The following ZNF185 variants were observed in gnomAD, a reference collection of about 807,000 sequenced individuals.
ZNF185 encodes the protein zinc finger protein 185 with LIM domain.
ZNF185 carries 56 observed loss-of-function variants against 58.6 expected under a neutral mutation model. The ratio of observed to expected loss-of-function variants is 0.95; its 90% CI spans 0.77 to 1.19. The LOEUF is 1.19. Among genes scored for constraint, ZNF185 ranks in the 50% most tolerant of loss-of-function variants. The pLI is 0.00. For synonymous variants in ZNF185, 230 were observed against 215.9 expected (o/e 1.07, Z -0.57); for missense variants, 627 against 573.5 (o/e 1.09, Z -0.95).
intron 6 of ZNF185, among the ~76,000 whole-genome samples, chrX:152,918,578 C>T (rs1238003435): frequency 1.8e-5 from 2 of 112,672 alleles, no homozygotes; most frequent in South Asian, 3.6e-4. Flanking sequence ...CATTGTGTGC[C>T]TAAATCTGAG....
At position 152,931,793 on chromosome X, in the gene ZNF185, A is replaced by G. The variant is rs1193031380; in HGVS notation, c.1022+17A>G. ...TGCTGCAAGGTAACTCAGTGCAGGA[A>G]GCAGACACTTCATTCCCAGAACACG... On this transcript the variant is annotated intron_variant, in intron 13 of 22. Transcript: ENST00000449285. 4 of 1,174,683 alleles carry G rather than the reference A, an allele frequency of 3.4e-6. No individual in the cohort carries two copies. The highest frequency in any genetic ancestry group is 6.2e-4 in the Middle Eastern group (2 of 3,214).
chrX:152,926,212 T>C (rs1283910666), intron 11 of ZNF185, among the ~76,000 whole-genome samples: 1 of 111,983 alleles, frequency 8.9e-6, no homozygotes, highest in Non-Finnish European at 1.9e-5. Flanking sequence ...CTTGAGCAAG[T>C]CTCTTCATCT....
exon 23 of ZNF185, chrX:152,971,924 A>G (rs2050678132): frequency 8.9e-6 from 1 of 112,124 alleles, no homozygotes; most frequent in Non-Finnish European, 1.9e-5. Flanking sequence ...TAAATTCAGT[A>G]GGATGTGATT....
intron 15 of ZNF185, among the ~76,000 whole-genome samples, chrX:152,940,499 T>C (rs182290361): frequency 0.016 from 1,740 of 109,853 alleles, 48 homozygotes; most frequent in African/African-American, 0.054. Flanking sequence ...GTTGAAAGAG[T>C]TGTTATTCTC....
Position 152,919,739 on chromosome X carries a change from G to A in ZNF185, c.531-589G>A, listed in dbSNP as rs782747814. Among the ~76,000 whole-genome samples the A allele has an allele frequency of 3.6e-5, 4 of 112,603 alleles. No individual in the cohort carries two copies. In the East Asian group the frequency reaches 1.1e-3, roughly 32 times the overall value. Reference sequence around the variant, plus strand: ...GGGGCCTGTACAGCAGTTGGGCCCTGAGGAAATAAAGCCCTCCCCTCCCTG... The same window carrying A: ...GGGGCCTGTACAGCAGTTGGGCCCTAAGGAAATAAAGCCCTCCCCTCCCTG... On this transcript the variant is annotated intron_variant, in intron 7 of 22. Coordinates refer to ENST00000449285, the Ensembl canonical transcript of ZNF185.
At chrX:152,964,144 C>T (rs2049863144) in intron 18 of ZNF185, among the ~76,000 whole-genome samples, 195 bp downstream of exon 20, 1 of 112,568 alleles carries the variant, frequency 8.9e-6, no homozygotes. Context: ...CCTAGACATT[C>T]CCACACCTCC....
chrX:152,914,958 C>A, intron 2 of ZNF185, 125 bp downstream of exon 3: 1 of 1,024,899 alleles, frequency 9.8e-7, no homozygotes, highest in Admixed American at 2.9e-5. Context: ...ATGTGGAGGG[C>A]AGAGCGTGGG....
chrX:152,964,094 G>T, intron 18 of ZNF185, 145 bp downstream of exon 20: 1 of 512,387 alleles, frequency 2.0e-6, no homozygotes. Context: ...GGCCACACAG[G>T]ACAGTGTTAG....
chrX:152,956,992 G>C (rs1324521695), intron 16 of ZNF185, among the ~76,000 whole-genome samples: 2 of 111,541 alleles, frequency 1.8e-5, no homozygotes, highest in Non-Finnish European at 3.8e-5. Flanking sequence ...GTGCTTTTAT[G>C]TCCATGTTCA....
chrX:152,960,047 G>A (rs1020525169), intron 17 of ZNF185, 151 bp downstream of exon 19: 3 of 490,316 alleles, frequency 6.1e-6, no homozygotes, highest in Non-Finnish European at 9.7e-6. Context: ...AGAGAAACCA[G>A]CATCTCAGGG....
intron 15 of ZNF185, among the ~76,000 whole-genome samples, chrX:152,944,584 C>G (rs2047586205): frequency 9.0e-6 from 1 of 111,674 alleles, no homozygotes; most frequent in Admixed American, 9.4e-5. Context: ...CCCACGGTAC[C>G]CAGATTGGAG....
chrX:152,903,544 G>A, the ZNF185 span, among the ~76,000 whole-genome samples: 6 of 109,982 alleles, frequency 5.5e-5, no homozygotes, highest in Middle Eastern at 4.2e-3. Flanking sequence ...AATGGGACTA[G>A]CATCTCTGCA....
chrX:152,963,790 G>A (rs1162079954), intron 17 of ZNF185, 49 bp from the exon 20 acceptor site: 3 of 1,113,590 alleles, frequency 2.7e-6, no homozygotes, highest in South Asian at 1.9e-5. Flanking sequence ...ACCCTGGAAG[G>A]TGTCAGCTCC....
chrX:152,914,979 C>T, intron 2 of ZNF185, 146 bp downstream of exon 3: 1 of 998,156 alleles, frequency 1.0e-6, no homozygotes, highest in Non-Finnish European at 1.4e-6. Flanking sequence ...AAAGGCTATC[C>T]AGCAATGTCA....
chrX:152,945,347 G>A, exon 16 of ZNF185: 1 of 1,207,369 alleles, frequency 8.3e-7, no homozygotes, highest in Non-Finnish European at 1.1e-6. Flanking sequence ...GCTCCAAGAG[G>A]TGGCCAAGGA....
chrX:152,945,113 T>G (rs1056655345), intron 15 of ZNF185, among the ~76,000 whole-genome samples, 154 bp from the exon 18 acceptor site: 1 of 113,223 alleles, frequency 8.8e-6, no homozygotes, highest in Admixed American at 9.2e-5. Flanking sequence ...GTCTGCTCCC[T>G]GGAATTGGGG....
At chrX:152,920,859 C>CAG in intron 9 of ZNF185, 111 bp downstream of exon 10, 1 of 939,566 alleles carries the variant, frequency 1.1e-6, no homozygotes, top group Non-Finnish European at 1.5e-6. Context: ...ATGTGGGGGA[C>CAG]TACTGTCCCT....
rs1246343363 is a variant in ZNF185, at chrX:152,947,900, A to T, written c.1409+2436A>T. Among the ~76,000 whole-genome samples, 4 of 111,998 alleles carry T rather than the reference A, an allele frequency of 3.6e-5. No homozygotes were observed. In the Admixed American group the frequency reaches 3.8e-4, roughly 11 times the overall value. On this transcript the variant is annotated intron_variant, in intron 16 of 22. Transcript: ENST00000449285. ...CCATTTTCTGCTCTTCTTTTGTCTC[A>T]AAAAGAAAAAAAGAGGGGATATTAA...
intron 15 of ZNF185, among the ~76,000 whole-genome samples, chrX:152,939,852 G>C (rs782177546): frequency 1.1e-5 from 1 of 92,723 alleles, no homozygotes; most frequent in African/African-American, 4.2e-5. Flanking sequence ...GCGCAATCTC[G>C]ACTCACTGCA....
Sources: allele counts gnomAD v4.1 joint callset (sites outside exome capture counted in the v4.1 genomes callset), GRCh38; gene constraint gnomAD v4.1.1; transcripts MANE v1.5; gene names NCBI Gene and HGNC (gene_info 2026-07-23, HGNC 2026-07-21).